Variants in GULP1 observed in about 807,000 individuals in gnomAD.
GULP1 encodes the protein GULP PTB domain containing engulfment adaptor 1.
In GULP1, 19 loss-of-function variants were observed where a neutral mutation model predicts 40.9. That is an observed-to-expected ratio of 0.46 (90% CI 0.32 to 0.68). GULP1 has a LOEUF of 0.68. Ranked by LOEUF, GULP1 falls within the 30% of genes least tolerant of loss-of-function variation. The pLI is 0.03. For synonymous variants in GULP1, 119 were observed against 117.6 expected (o/e 1.01, Z -0.08); for missense variants, 312 against 362.2 (o/e 0.86, Z 1.12).
At chr2:188,587,441 A>G (rs922388164) in intron 10 of GULP1, among the ~76,000 whole-genome samples, 1 of 152,088 alleles carries the variant, frequency 6.6e-6, no homozygotes, top group Admixed American at 6.6e-5. Context: ...TTAGTCCTAC[A>G]TATTGCTTTA....
At chr2:188,382,510 G>A (rs1423363771) in intron 1 of GULP1, among the ~76,000 whole-genome samples, 4 of 152,116 alleles carry the variant, frequency 2.6e-5, no homozygotes, top group Non-Finnish European at 5.9e-5. Context: ...TTCTCGCATT[G>A]AAGTTATTAT....
In GULP1 at chr2:188,595,005, T is replaced by G. The variant is rs2153480288; in HGVS notation, c.*994T>G. The G allele has an allele frequency of 6.6e-6, 1 of 150,512 alleles. No homozygotes were observed. Among genetic ancestry groups the G allele is most frequent in the Admixed American group, 6.7e-5 (1 of 15,000 alleles). 9.3% of individuals were successfully genotyped at this position (150,512 alleles called of 1,614,324 possible). ...GCACCCGTTCTACATGAATTATCAA[T>G]ATTTGGTAAATTCAATCTGTATTTG... On this transcript the variant is annotated 3_prime_UTR_variant, in exon 12 of 12. Transcript: ENST00000409830.
chr2:188,378,490 T>G (rs1241118642), intron 1 of GULP1, among the ~76,000 whole-genome samples: 1 of 152,176 alleles, frequency 6.6e-6, no homozygotes, highest in Non-Finnish European at 1.5e-5. Context: ...AGGTAATTTA[T>G]AAAGAAAAGA....
In GULP1 at chr2:188,346,504, T is replaced by G. The variant is rs558201098; in HGVS notation, c.-171-37259T>G. ...TTTTTTTTCTTTCTTTTCTTCTTTT[T>G]CTTTTTGAGACGGAGTCTTGCTCTG... On this transcript the variant is annotated intron_variant, in intron 1 of 11. Coordinates refer to ENST00000409830, the MANE Select transcript of GULP1 (RefSeq NM_016315.4). Among the ~76,000 whole-genome samples, 176 of 152,066 alleles carry G rather than the reference T, an allele frequency of 1.2e-3. 1 individual carries two copies. Among genetic ancestry groups the G allele is most frequent in the Non-Finnish European group, 1.4e-3 (92 of 67,966 alleles).
intron 6 of GULP1, among the ~76,000 whole-genome samples, chr2:188,539,496 T>C (rs1230999264): frequency 1.3e-5 from 2 of 152,108 alleles, no homozygotes; most frequent in African/African-American, 4.8e-5. Flanking sequence ...GCTTTCTGTA[T>C]AAGAAAGGAA....
chr2:188,529,929 A>C (rs753222205), intron 6 of GULP1, among the ~76,000 whole-genome samples: 31 of 152,206 alleles, frequency 2.0e-4, no homozygotes, highest in Non-Finnish European at 4.1e-4. Context: ...ATGATTCATG[A>C]ATCAGGCAGC....
intron 2 of GULP1, among the ~76,000 whole-genome samples, chr2:188,384,699 C>T: frequency 6.6e-6 from 1 of 152,148 alleles, no homozygotes; most frequent in East Asian, 1.9e-4. Flanking sequence ...TTAGTTACTT[C>T]CTAGATAAAA....
intron 1 of GULP1, among the ~76,000 whole-genome samples, chr2:188,310,041 C>T (rs2037803914): frequency 6.6e-6 from 1 of 152,160 alleles, no homozygotes; most frequent in South Asian, 2.1e-4. Flanking sequence ...ATTTCAGTTA[C>T]AATGAGGCAA....
rs145711592 is a variant in GULP1 at position 188,328,179 on chromosome 2, A to T, written c.-172+36013A>T. ...AAGGAGTGTAATAGGATGAAAATACATTGTAAGATGGCTATGAGGTTATAT... is the reference window on the plus strand; with the variant it reads ...AAGGAGTGTAATAGGATGAAAATACTTTGTAAGATGGCTATGAGGTTATAT... On this transcript the variant is annotated intron_variant, in intron 1 of 11. Transcript: ENST00000409830. Among the ~76,000 whole-genome samples, 7 of 152,260 alleles carry T rather than the reference A, an allele frequency of 4.6e-5. No individual in the cohort carries two copies. The East Asian group carries it at 9.7e-4, about 21-fold the overall frequency.
intron 4 of GULP1, among the ~76,000 whole-genome samples, chr2:188,517,536 G>C (rs1229637663): frequency 6.6e-6 from 1 of 151,762 alleles, no homozygotes; most frequent in Non-Finnish European, 1.5e-5. Flanking sequence ...CTTTTCATGT[G>C]AGAGGCTTTT....
intron 7 of GULP1, among the ~76,000 whole-genome samples, chr2:188,562,818 G>A (rs1696654457): frequency 6.6e-6 from 1 of 152,082 alleles, no homozygotes; most frequent in Admixed American, 6.6e-5. Context: ...TTTCAAAACT[G>A]AAAATATCAC....
chr2:188,414,216 CAAA>C (rs774779119), intron 2 of GULP1, among the ~76,000 whole-genome samples: 1 of 44,678 alleles, frequency 2.2e-5, no homozygotes. Context: ...GACTCCATCT[CAAA>C]AAAAAAAAAA....
chr2:188,300,625 G>T (rs1426094903), intron 1 of GULP1, among the ~76,000 whole-genome samples: 2 of 151,866 alleles, frequency 1.3e-5, no homozygotes, highest in Non-Finnish European at 2.9e-5. Flanking sequence ...TTTTTGCTTG[G>T]CTTGACCATT....
chr2:188,399,236 C>T (rs2051737908), intron 2 of GULP1, among the ~76,000 whole-genome samples: 1 of 152,122 alleles, frequency 6.6e-6, no homozygotes, highest in African/African-American at 2.4e-5. Flanking sequence ...AGACAGGAGC[C>T]AGACTGTTCT....
intron 5 of GULP1, among the ~76,000 whole-genome samples, chr2:188,526,405 CA>C (rs758967510): frequency 6.6e-6 from 1 of 151,358 alleles, no homozygotes; most frequent in Admixed American, 6.6e-5. Flanking sequence ...AAGAAATTTA[CA>C]AAAAAAGACT....
At chr2:188,358,269 A>T (rs528429397) in intron 1 of GULP1, among the ~76,000 whole-genome samples, 7 of 152,192 alleles carry the variant, frequency 4.6e-5, no homozygotes, top group Non-Finnish European at 1.0e-4. Context: ...TTTCACTTAT[A>T]CTCGGAAGCT....
intron 7 of GULP1, among the ~76,000 whole-genome samples, chr2:188,560,618 A>G (rs1382897893): frequency 6.6e-6 from 1 of 152,214 alleles, no homozygotes; most frequent in African/African-American, 2.4e-5. Flanking sequence ...TCACATTGCT[A>G]TAAAGATATA....
chr2:188,300,942 T>C (rs984381594), intron 1 of GULP1, among the ~76,000 whole-genome samples: 2 of 152,164 alleles, frequency 1.3e-5, no homozygotes, highest in Non-Finnish European at 2.9e-5. Context: ...TTGTGTTTTC[T>C]GTAATGGTAA....
At chr2:188,340,879 G>C (rs1037127364) in intron 1 of GULP1, among the ~76,000 whole-genome samples, 3 of 152,060 alleles carry the variant, frequency 2.0e-5, no homozygotes, top group African/African-American at 7.2e-5. Flanking sequence ...TTTCTGGCTG[G>C]ACTGAACTCT....
Sources: allele counts gnomAD v4.1 joint callset (sites outside exome capture counted in the v4.1 genomes callset), GRCh38; gene constraint gnomAD v4.1.1; transcripts MANE v1.5; gene names NCBI Gene and HGNC (gene_info 2026-07-23, HGNC 2026-07-21).